Variants in CS observed in about 807,000 individuals in gnomAD.
The protein encoded by CS is citrate synthase.
Under a neutral mutation model 61.4 loss-of-function variants are expected in CS, and 13 were observed. The observed-to-expected ratio is 0.21, with a 90% confidence interval of 0.14 to 0.34. The LOEUF (loss-of-function observed/expected upper bound fraction) is 0.34. Among genes scored for constraint, CS ranks in the 10% least tolerant of loss-of-function variants. CS has a pLI of 1.00. For synonymous variants in CS, 159 were observed against 215.2 expected (o/e 0.74, Z 2.29); for missense variants, 278 against 573.4 (o/e 0.48, Z 5.26).
intron 6 of CS, among the ~76,000 whole-genome samples, chr12:56,279,836 T>G (rs1164385823): frequency 7.3e-6 from 1 of 137,610 alleles, no homozygotes; most frequent in African/African-American, 2.8e-5. Flanking sequence ...GGCGTGGTGG[T>G]GCGCACCTGT....
chr12:56,292,432 A>G (rs1873155627), intron 1 of CS, among the ~76,000 whole-genome samples: 1 of 151,132 alleles, frequency 6.6e-6, no homozygotes, highest in Admixed American at 6.6e-5. Context: ...GCCAATCAGG[A>G]CAAATACAAA....
chr12:56,273,556 T>C (rs1872562128), intron 10 of CS, 31 bp downstream of exon 10: 2 of 1,603,468 alleles, frequency 1.2e-6, no homozygotes, highest in East Asian at 2.2e-5. Flanking sequence ...TTGGTACAAA[T>C]TAGAGGGAAA....
chr12:56,283,004 G>A lies in CS; in HGVS notation c.268-13C>T, dbSNP rs1310243563. On this transcript the variant is annotated splice_polypyrimidine_tract_variant and intron_variant, in intron 4 of 10. Coordinates refer to ENST00000351328, the MANE Select transcript of CS (RefSeq NM_004077.3). Reference sequence around the variant, plus strand: ...GGAAACGGATGCCCTTGAGAGAGGAGAGAGAGAATTACAACTCAAGTTTAT... The same window carrying A: ...GGAAACGGATGCCCTTGAGAGAGGAAAGAGAGAATTACAACTCAAGTTTAT... 1.9e-6 allele frequency: 3 copies of A among 1,613,900 alleles called. No homozygotes were observed. The highest frequency in any genetic ancestry group is 1.7e-5 in the Admixed American group (1 of 59,972).
At position 56,282,978 on chromosome 12, in the gene CS, C is replaced by T. The variant is rs1872819069; in HGVS notation, c.281G>A (p.Arg94Gln). The change falls in exon 5 of 11, where the codon CGA becomes CAA. Residue 94 changes from arginine to glutamine, a missense_variant. Physicochemically the swap from Arg to Gln is conservative, Grantham distance 43 (BLOSUM62 1). Coordinates refer to ENST00000351328, the MANE Select transcript of CS (RefSeq NM_004077.3). Reference sequence around the variant, plus strand: ...CTGGCATTCAGGGATACTAAAGCCTCGGAAACGGATGCCCTTGAGAGAGGA... The same window carrying T: ...CTGGCATTCAGGGATACTAAAGCCTTGGAAACGGATGCCCTTGAGAGAGGA... ...VLDPDEGIRF[R>Q]GFSIPECQKL... 6.2e-7 allele frequency: 1 copy of T among 1,614,030 alleles called. No individual in the cohort carries two copies. Among genetic ancestry groups the T allele is most frequent in the Admixed American group, 1.7e-5 (1 of 59,990 alleles).
In CS at chr12:56,276,072, G is replaced by C. The variant is rs753454488; in HGVS notation, c.712C>G (p.His238Asp). The change falls in exon 7 of 11, where the codon CAC becomes GAC. Residue 238 changes from histidine to aspartate, a missense_variant. Transcript: ENST00000351328. ...TAGCCTAACATGTTGGTGAAATTGTGAGACCAGTCCAGGTTAGAGTCAATG... is the reference window on the plus strand; with the variant it reads ...TAGCCTAACATGTTGGTGAAATTGTCAGACCAGTCCAGGTTAGAGTCAATG... ...GAIDSNLDWSHNFTNMLGYTD... is the reference protein window; with the variant it reads ...GAIDSNLDWSDNFTNMLGYTD... 6.2e-7 allele frequency: 1 copy of C among 1,614,188 alleles called. No homozygotes were observed. The highest frequency in any genetic ancestry group is 8.5e-7 in the Non-Finnish European group (1 of 1,180,038).
In CS at chr12:56,286,574, GTCT is replaced by G. The variant is rs1872944965; in HGVS notation, c.93+18_93+20del. On this transcript the variant is annotated intron_variant, in intron 2 of 10. Coordinates refer to ENST00000351328, the MANE Select transcript of CS (RefSeq NM_004077.3). ...CTGGCCGCAATGATTCTTATTCTTA[GTCT>G]TCTTTTCCAAACCTTACCGTGGAGG... 2 of 1,612,778 alleles carry G rather than the reference GTCT, an allele frequency of 1.2e-6. No individual in the cohort carries two copies. Among genetic ancestry groups the G allele is most frequent in the Non-Finnish European group, 1.7e-6 (2 of 1,178,924 alleles).
At chr12:56,286,572 T>C in intron 2 of CS, 23 bp downstream of exon 2, 1 of 1,612,594 alleles carries the variant, frequency 6.2e-7, no homozygotes, top group Non-Finnish European at 8.5e-7. Flanking sequence ...TTCTTATTCT[T>C]AGTCTTCTTT....
chr12:56,295,253 T>C lies in CS; in HGVS notation c.42+4907A>G, dbSNP rs554549304. 7.9e-5 allele frequency among the ~76,000 whole-genome samples: 12 copies of C among 152,076 alleles called. No homozygotes were observed. The East Asian group carries it at 2.3e-3, about 29-fold the overall frequency. Reference sequence around the variant, plus strand: ...ATAAATATTTCTTGGCCGGGCACGGTGGCTCATGCCTGTAATCCCAGCATT... The same window carrying C: ...ATAAATATTTCTTGGCCGGGCACGGCGGCTCATGCCTGTAATCCCAGCATT... On this transcript the variant is annotated intron_variant, in intron 1 of 10. Transcript: ENST00000351328.
intron 6 of CS, chr12:56,282,212 A>C: frequency 2.3e-6 from 1 of 437,568 alleles, no homozygotes; most frequent in Non-Finnish European, 4.0e-6. Context: ...CTAACCAAAC[A>C]AACAGTCCTG....
At position 56,296,626 on chromosome 12, in the gene CS, T is replaced by C. The variant is rs1873315411; in HGVS notation, c.42+3534A>G. The stretch of plus-strand genomic sequence containing the variant: ...GGCAGAAAGAATCATTGTGTGGCTT[T>C]ATTGAAATCCACCAAGTCTGGTTTC... On this transcript the variant is annotated intron_variant, in intron 1 of 10. Transcript: ENST00000351328. Among the ~76,000 whole-genome samples the C allele has an allele frequency of 2.0e-5, 3 of 152,196 alleles. No homozygotes were observed. The South Asian group carries it at 6.2e-4, about 32-fold the overall frequency.
Position 56,282,527 on chromosome 12 carries a change from T to G in CS, c.481A>C (p.Asn161His), listed in dbSNP as rs1872805222. 6.6e-7 allele frequency: 1 copy of G among 1,518,158 alleles called. No homozygotes were observed. Among genetic ancestry groups the G allele is most frequent in the African/African-American group, 1.5e-5 (1 of 66,770 alleles). 94.0% of individuals were successfully genotyped at this position (1,518,158 alleles called of 1,614,324 possible). Residue 161 changes from asparagine (N) to histidine (H), a missense_variant, in exon 6 of 11, where the codon AAT (asparagine) becomes CAT (histidine). By Grantham distance (68) the Asn-to-His change is moderately conservative (BLOSUM62 1). This residue lies in a region of CS where 223 missense variants were observed against 503.5 expected (regional missense o/e 0.44). Transcript: ENST00000351328. ...CTGAGCTGAGACATGGGGTGTAGATTGGTGGGAAAGTTGTCCAGCATGGTG... is the reference window on the plus strand; with the variant it reads ...CTGAGCTGAGACATGGGGTGTAGATGGGTGGGAAAGTTGTCCAGCATGGTG... ...VVTMLDNFPTNLHPMSQLSAA... is the reference protein window; with the variant it reads ...VVTMLDNFPTHLHPMSQLSAA...
At chr12:56,277,415 C>T (rs1237095815) in intron 6 of CS, among the ~76,000 whole-genome samples, 8 of 149,110 alleles carry the variant, frequency 5.4e-5, no homozygotes, top group East Asian at 2.0e-4. Flanking sequence ...AGGAGAATGG[C>T]GTGAATCTGG....
chr12:56,278,105 C>T (rs567635896), intron 6 of CS, among the ~76,000 whole-genome samples: 26 of 152,244 alleles, frequency 1.7e-4, no homozygotes, highest in Non-Finnish European at 3.1e-4. Flanking sequence ...AGCCAAGAAG[C>T]GTTACCTAGC....
rs1872618857 is a variant in CS, at chr12:56,276,204, A to G, written c.589-9T>C. On this transcript the variant is annotated splice_polypyrimidine_tract_variant and intron_variant, in intron 6 of 10. Coordinates refer to ENST00000351328, the MANE Select transcript of CS (RefSeq NM_004077.3). ...GAGTCTTCATAAATCAACTGACAGAAGAGGAGCAAGATGGAGAAAAAAAAA... is the reference window on the plus strand; with the variant it reads ...GAGTCTTCATAAATCAACTGACAGAGGAGGAGCAAGATGGAGAAAAAAAAA... 1 of 1,613,496 alleles carries G rather than the reference A, an allele frequency of 6.2e-7. No individual in the cohort carries two copies. The highest frequency in any genetic ancestry group is 1.3e-5 in the African/African-American group (1 of 74,904).
chr12:56,282,840 A>G lies in CS; in HGVS notation c.399+20T>C. On this transcript the variant is annotated intron_variant, in intron 5 of 10. Transcript: ENST00000351328. ...TGAAGAAGGGGAATGAGAAGAGCTAATAATATCCTTCTGCTTTACCTGTTC... is the reference window on the plus strand; with the variant it reads ...TGAAGAAGGGGAATGAGAAGAGCTAGTAATATCCTTCTGCTTTACCTGTTC... The G allele has an allele frequency of 6.2e-7, 1 of 1,613,762 alleles. No individual in the cohort carries two copies. Among genetic ancestry groups the G allele is most frequent in the Non-Finnish European group, 8.5e-7 (1 of 1,179,900 alleles).
intron 6 of CS, among the ~76,000 whole-genome samples, chr12:56,277,389 C>T (rs1433797438): frequency 1.3e-5 from 2 of 151,056 alleles, no homozygotes; most frequent in African/African-American, 4.9e-5. Flanking sequence ...GTCCCAGCTA[C>T]TCGGGAGGCT....
intron 1 of CS, chr12:56,298,698 G>C (rs1032814748): frequency 1.0e-6 from 1 of 984,870 alleles, no homozygotes; most frequent in African/African-American, 1.7e-5. Flanking sequence ...GTGCCTGGAA[G>C]AACCAAGGTA....
chr12:56,279,533 G>C (rs776237976), intron 6 of CS, among the ~76,000 whole-genome samples: 1 of 152,130 alleles, frequency 6.6e-6, no homozygotes, highest in Non-Finnish European at 1.5e-5. Context: ...TTTGGAGGCT[G>C]AGGCGGGTGG....
At chr12:56,295,682 C>T (rs572290396) in intron 1 of CS, among the ~76,000 whole-genome samples, 34 of 151,954 alleles carry the variant, frequency 2.2e-4, no homozygotes, top group East Asian at 1.9e-4. Flanking sequence ...TGGCTGGGCG[C>T]GGCAGCTCAC....
Sources: allele counts gnomAD v4.1 joint callset (sites outside exome capture counted in the v4.1 genomes callset), GRCh38; gene constraint gnomAD v4.1.1; regional missense constraint gnomAD v4.1.1; transcripts MANE v1.5; gene names NCBI Gene and HGNC (gene_info 2026-07-23, HGNC 2026-07-21).